Variants in MAP2K6 observed in about 807,000 individuals in gnomAD.
MAP2K6 encodes mitogen-activated protein kinase kinase 6.
MAP2K6 carries 16 observed loss-of-function variants against 53.7 expected under a neutral mutation model. The ratio of observed to expected loss-of-function variants is 0.30; its 90% CI spans 0.20 to 0.45. The LOEUF is 0.45. MAP2K6 is among the 20% of genes least tolerant of loss of function. The probability of loss-of-function intolerance (pLI) is 1.00; values close to 1 mark genes in which losing one functional copy is unlikely to be tolerated. For synonymous variants in MAP2K6, 132 were observed against 143.1 expected, an observed-to-expected ratio of 0.92 and a Z score of 0.55; for missense variants, 204 against 411.9, an observed-to-expected ratio of 0.50 and a Z score of 4.37.
chr17:69,531,453 C>T (rs2716196), intron 10 of MAP2K6, among the ~76,000 whole-genome samples: 90,681 of 151,912 alleles, frequency 0.6, 27,228 homozygotes, highest in Middle Eastern at 0.72. Flanking sequence ...AGGGAATTGA[C>T]TTGGTAGCCA....
intron 2 of MAP2K6, among the ~76,000 whole-genome samples, chr17:69,516,621 A>C (rs1389135588): frequency 1.3e-5 from 2 of 152,206 alleles, no homozygotes; most frequent in African/African-American, 4.8e-5. Flanking sequence ...CAATATAGGT[A>C]TATTAATATC....
At chr17:69,500,338 C>G (rs1029011877) in intron 1 of MAP2K6, among the ~76,000 whole-genome samples, 1 of 148,840 alleles carries the variant, frequency 6.7e-6, no homozygotes, top group African/African-American at 2.5e-5. Flanking sequence ...CGCAGCTACT[C>G]GGGAGGCTGA....
chr17:69,440,974 G>A (rs968339633), intron 1 of MAP2K6, among the ~76,000 whole-genome samples: 1 of 152,108 alleles, frequency 6.6e-6, no homozygotes, highest in Non-Finnish European at 1.5e-5. Context: ...AGGGGCACAT[G>A]CGTGAGTGTG....
chr17:69,492,153 T>C (rs1908777005), intron 1 of MAP2K6, among the ~76,000 whole-genome samples: 2 of 152,228 alleles, frequency 1.3e-5, no homozygotes, highest in African/African-American at 4.8e-5. Flanking sequence ...CTCTTTAGTT[T>C]AATTAGATCC....
Position 69,464,181 on chromosome 17 carries a change from T to A in MAP2K6, c.17-41599T>A, listed in dbSNP as rs1907721722. ...CTCACTGCTGCCTCTGCCTCCTGGG[T>A]TCAAGCGATTTTCCTGCCTCAGCCT... On this transcript the variant is annotated intron_variant, in intron 1 of 11. Coordinates refer to ENST00000590474, the MANE Select transcript of MAP2K6 (RefSeq NM_002758.4). Among the ~76,000 whole-genome samples the A allele has an allele frequency of 2.6e-5, 4 of 151,680 alleles. No homozygotes were observed. In the South Asian group the frequency reaches 8.3e-4, roughly 32 times the overall value.
chr17:69,488,185 AT>A (rs1390808074), intron 1 of MAP2K6, among the ~76,000 whole-genome samples: 2 of 152,198 alleles, frequency 1.3e-5, no homozygotes, highest in African/African-American at 2.4e-5. Context: ...ATACAAAAAA[AT>A]GCTCCACATC....
At chr17:69,420,961 T>C (rs1159811213) in intron 1 of MAP2K6, among the ~76,000 whole-genome samples, 2 of 152,246 alleles carry the variant, frequency 1.3e-5, no homozygotes, top group Non-Finnish European at 2.9e-5. Context: ...GCCTACATAG[T>C]ACAGCTGCAA....
At chr17:69,511,621 C>T (rs1312439507) in intron 2 of MAP2K6, among the ~76,000 whole-genome samples, 1 of 152,188 alleles carries the variant, frequency 6.6e-6, no homozygotes, top group African/African-American at 2.4e-5. Flanking sequence ...GTGTTTGTTA[C>T]TCTCACTTGA....
chr17:69,549,791 G>A lies in MAP2K6; in HGVS notation c.*8038G>A, dbSNP rs1380435012. On this transcript the variant is annotated 3_prime_UTR_variant, in exon 12 of 12. Transcript: ENST00000590474. ...TCATTTGGTCACTATCAATATTTGTGTTGGAGTCTGCAAGATATTTCAACA... is the reference window on the plus strand; with the variant it reads ...TCATTTGGTCACTATCAATATTTGTATTGGAGTCTGCAAGATATTTCAACA... 2 of 152,128 alleles carry A rather than the reference G, an allele frequency of 1.3e-5. No homozygotes were observed. The highest frequency in any genetic ancestry group is 2.9e-5 in the Non-Finnish European group (2 of 68,022). The allele number at this position is 152,128 out of a possible 1,614,324, so 9.4% of individuals were successfully genotyped here. A position where few individuals can be genotyped will look rare whatever the true frequency, so the allele number is the denominator to read the frequency against.
At chr17:69,460,353 G>A (rs1302963491) in intron 1 of MAP2K6, among the ~76,000 whole-genome samples, 1 of 152,152 alleles carries the variant, frequency 6.6e-6, no homozygotes, top group Non-Finnish European at 1.5e-5. Context: ...GGAAGACGGA[G>A]GTATTTAACG....
At chr17:69,452,489 C>T (rs1286202298) in intron 1 of MAP2K6, among the ~76,000 whole-genome samples, 2 of 152,036 alleles carry the variant, frequency 1.3e-5, no homozygotes, top group South Asian at 2.1e-4. Context: ...TAAGCAAATG[C>T]GTATCACATT....
chr17:69,449,529 T>TTCTCTTTCTTTC (rs1368624796), intron 1 of MAP2K6, among the ~76,000 whole-genome samples: 1 of 101,320 alleles, frequency 9.9e-6, no homozygotes, highest in East Asian at 2.2e-4. Flanking sequence ...CTTTCTTTCT[T>TTCTCTTTCTTTC]TGTCTTTCTT....
chr17:69,503,385 A>G (rs1909272157), intron 1 of MAP2K6, among the ~76,000 whole-genome samples: 1 of 152,244 alleles, frequency 6.6e-6, no homozygotes, highest in Non-Finnish European at 1.5e-5. Flanking sequence ...TACATAGGAA[A>G]GCTCTATGCG....
chr17:69,545,028 G>C lies in MAP2K6; in HGVS notation c.*3275G>C, dbSNP rs1306114133. ...CCTTGTTTATCAGATTTTGCACAAA[G>C]TTGTGTTTGACAATTTCTAGAAGTT... On this transcript the variant is annotated 3_prime_UTR_variant, in exon 12 of 12. Transcript: ENST00000590474. The C allele has an allele frequency of 6.6e-6, 1 of 152,152 alleles. No individual in the cohort carries two copies. The highest frequency in any genetic ancestry group is 2.1e-4 in the South Asian group (1 of 4,836). The allele number at this position is 152,152 out of a possible 1,614,324, so 9.4% of individuals were successfully genotyped here.
chr17:69,427,535 G>A (rs1906312956), intron 1 of MAP2K6, among the ~76,000 whole-genome samples: 1 of 152,034 alleles, frequency 6.6e-6, no homozygotes, highest in East Asian at 1.9e-4. Flanking sequence ...GTGACGTATA[G>A]CTCTGGGGCT....
At chr17:69,526,497 C>T in intron 9 of MAP2K6, 73 bp from the exon 10 acceptor site, 1 of 1,536,436 alleles carries the variant, frequency 6.5e-7, no homozygotes, top group Non-Finnish European at 8.8e-7. Context: ...TGTCTATCCA[C>T]AAATGAAACG....
chr17:69,487,065 A>T (rs1598285309), intron 1 of MAP2K6, among the ~76,000 whole-genome samples: 1 of 152,232 alleles, frequency 6.6e-6, no homozygotes, highest in Non-Finnish European at 1.5e-5. Context: ...CAGTTTTATA[A>T]CCTGCCTCTG....
intron 1 of MAP2K6, among the ~76,000 whole-genome samples, chr17:69,453,865 C>A (rs1419649018): frequency 6.6e-6 from 1 of 152,116 alleles, no homozygotes; most frequent in Non-Finnish European, 1.5e-5. Context: ...CAGGGATAGC[C>A]CAGGCATCAT....
At chr17:69,488,288 T>C (rs1908620309) in intron 1 of MAP2K6, among the ~76,000 whole-genome samples, 1 of 152,150 alleles carries the variant, frequency 6.6e-6, no homozygotes, top group African/African-American at 2.4e-5. Flanking sequence ...CTGGTGAGGC[T>C]GTAGAGAAGA....
Sources: gnomAD v4.1 joint callset for allele counts (sites outside exome capture counted in the v4.1 genomes callset) on GRCh38, gnomAD v4.1.1 for gene constraint, MANE v1.5 for transcripts, NCBI Gene and HGNC (gene_info 2026-07-23, HGNC 2026-07-21) for gene names.